Variants in GNAS observed in about 807,000 individuals in gnomAD.
GNAS encodes the protein GNAS complex locus, also known as protein ALEX.
A neutral mutation model predicts 54.5 loss-of-function variants in GNAS; 8 were observed. That is an observed-to-expected ratio of 0.15 (90% confidence interval 0.09 to 0.26). The LOEUF is 0.26. Ranked by LOEUF, GNAS falls within the 10% of genes least tolerant of loss-of-function variation. The pLI, the probability that GNAS is intolerant of heterozygous loss-of-function variation, is 1.00. For synonymous variants in GNAS, 204 were observed against 191.4 expected, an observed-to-expected ratio of 1.07 and a Z score of -0.54; for missense variants, 170 against 529.8, an observed-to-expected ratio of 0.32 and a Z score of 6.67.
At position 58,891,548 on chromosome 20, in the gene GNAS, C is replaced by T. The variant is rs1365219896; in HGVS notation, c.-179C>T. On this transcript the variant is annotated 5_prime_UTR_variant, in exon 1 of 13. Coordinates refer to ENST00000371085, the MANE Select transcript of GNAS (RefSeq NM_000516.7). ...TCCGACCGACACCCTCCCCTTCCCG[C>T]CCGTCCGCGCGCCCCGCGGCCCGCG... 4 of 972,530 alleles carry T rather than the reference C, an allele frequency of 4.1e-6. No homozygotes were observed. The highest frequency in any genetic ancestry group is 4.9e-6 in the Non-Finnish European group (4 of 821,976). The allele number at this position is 972,530 out of a possible 1,614,324, so 60.2% of individuals were successfully genotyped here.
chr20:58,903,009 T>G, intron 3 of GNAS: 1 of 234,098 alleles, frequency 4.3e-6, no homozygotes, highest in Non-Finnish European at 8.5e-6. Flanking sequence ...GTGCTGGGAT[T>G]ACAGGTGTGA....
intron 1 of GNAS, among the ~76,000 whole-genome samples, chr20:58,885,633 C>T (rs2088541239): frequency 6.6e-6 from 1 of 152,088 alleles, no homozygotes; most frequent in Non-Finnish European, 1.5e-5. Flanking sequence ...AAAAAAATGT[C>T]CTAGATAATC....
At chr20:58,871,615 A>G (rs1198688889) in intron 1 of GNAS, among the ~76,000 whole-genome samples, 2 of 142,340 alleles carry the variant, frequency 1.4e-5, no homozygotes, top group Admixed American at 7.5e-5. Context: ...ACTCCGTCGA[A>G]AAAAAAAAAA....
At chr20:58,887,826 AT>A (rs1312060874), upstream of GNAS, among the ~76,000 whole-genome samples, 1 of 152,212 alleles carries the variant, frequency 6.6e-6, no homozygotes, top group Non-Finnish European at 1.5e-5. Context: ...TTTCAGATTC[AT>A]AAAAAAGAGG....
chr20:58,869,590 A>G (rs2087299447), intron 1 of GNAS, among the ~76,000 whole-genome samples: 1 of 152,206 alleles, frequency 6.6e-6, no homozygotes, highest in Non-Finnish European at 1.5e-5. Context: ...CAATATGGAG[A>G]GATGAAGTAG....
chr20:58,877,886 T>C (rs1159874533), intron 1 of GNAS, among the ~76,000 whole-genome samples: 1 of 152,028 alleles, frequency 6.6e-6, no homozygotes, highest in Admixed American at 6.5e-5. Context: ...GAGATATAAG[T>C]GAACCCTAGA....
chr20:58,868,662 C>T (rs576375921), intron 1 of GNAS, among the ~76,000 whole-genome samples: 4 of 152,276 alleles, frequency 2.6e-5, no homozygotes, highest in East Asian at 1.9e-4. Context: ...AAGGGGAGAA[C>T]GGAAAGCAGC....
At chr20:58,906,124 G>C (rs2091025994) in intron 6 of GNAS, among the ~76,000 whole-genome samples, 1 of 152,202 alleles carries the variant, frequency 6.6e-6, no homozygotes, top group South Asian at 2.1e-4. Context: ...GTACACCTAA[G>C]CAGTACAATA....
intron 1 of GNAS, among the ~76,000 whole-genome samples, chr20:58,870,435 C>T (rs896664458): frequency 1.3e-5 from 2 of 152,208 alleles, no homozygotes; most frequent in Non-Finnish European, 2.9e-5. Flanking sequence ...TCCAACCTTT[C>T]CTGGGCCATG....
rs1301577924 is a variant in GNAS, at chr20:58,864,963, A to ACACG, written c.43+24085_43+24088dup. On this transcript the variant is annotated intron_variant, in intron 1 of 12. Coordinates refer to the GNAS transcript ENST00000306090. ...CACACACACACACACACACAAACAC[A>ACACG]CACGCACGCACACTCTCTCTCTCTC... Among the ~76,000 whole-genome samples the ACACG allele has an allele frequency of 3.3e-5, 5 of 151,718 alleles. No individual in the cohort carries two copies. The East Asian group carries it at 9.6e-4, about 29-fold the overall frequency.
rs1600969737 is a variant in GNAS at position 58,891,536 on chromosome 20, C to T, written c.-191C>T. On this transcript the variant is annotated 5_prime_UTR_variant, in exon 1 of 13. Transcript: ENST00000371085. ...CGCGCCCCTCGGTCCGACCGACACC[C>T]TCCCCTTCCCGCCCGTCCGCGCGCC... 9 of 976,060 alleles carry T rather than the reference C, an allele frequency of 9.2e-6. No individual in the cohort carries two copies. Among genetic ancestry groups the T allele is most frequent in the Non-Finnish European group, 9.7e-6 (8 of 824,684 alleles). 60.5% of individuals were successfully genotyped at this position (976,060 alleles called of 1,614,324 possible).
upstream of GNAS, among the ~76,000 whole-genome samples, chr20:58,887,590 C>A (rs1215949148): frequency 6.6e-6 from 1 of 152,154 alleles, no homozygotes; most frequent in Non-Finnish European, 1.5e-5. Flanking sequence ...TGAAAAGCAT[C>A]AACCTAGGAT....
upstream of GNAS, among the ~76,000 whole-genome samples, chr20:58,887,726 A>C (rs996189178): frequency 1.3e-5 from 2 of 152,226 alleles, no homozygotes; most frequent in Non-Finnish European, 2.9e-5. Context: ...AGGGGTCTGC[A>C]GCAGCCCAGG....
At chr20:58,879,506 A>G (rs968802765) in intron 1 of GNAS, among the ~76,000 whole-genome samples, 1 of 152,216 alleles carries the variant, frequency 6.6e-6, no homozygotes. Context: ...TTCAATCGTG[A>G]AAAAGCATCT....
chr20:58,905,490 C>T lies in GNAS; in HGVS notation c.530+10C>T, dbSNP rs199499878. 267 of 1,382,730 alleles carry T rather than the reference C, an allele frequency of 1.9e-4. No individual in the cohort carries two copies. The highest frequency in any genetic ancestry group is 1.9e-4 in the Non-Finnish European group (187 of 968,564). The allele number at this position is 1,382,730 out of a possible 1,614,324, so 85.7% of individuals were successfully genotyped here. A position where few individuals can be genotyped will look rare whatever the true frequency, so the allele number is the denominator to read the frequency against. On this transcript the variant is annotated intron_variant, in intron 6 of 12. Transcript: ENST00000371085. Reference sequence around the variant, plus strand: ...TTGACTGTGCCCAGTAGTAAGTAACCGCCACCCAACCCATCAGCACATAAA... The same window carrying T: ...TTGACTGTGCCCAGTAGTAAGTAACTGCCACCCAACCCATCAGCACATAAA...
intron 1 of GNAS, chr20:58,852,992 AG>A (rs1030427249): frequency 8.0e-6 from 10 of 1,254,596 alleles, no homozygotes; most frequent in Non-Finnish European, 1.0e-5. Context: ...GGATAGACCA[AG>A]GAAGAGGGGC....
intron 1 of GNAS, among the ~76,000 whole-genome samples, chr20:58,861,282 T>C (rs1289697588): frequency 6.6e-6 from 1 of 152,198 alleles, no homozygotes; most frequent in Admixed American, 6.5e-5. Context: ...AGTAGCAATT[T>C]TCAAGAGAGA....
intron 1 of GNAS, among the ~76,000 whole-genome samples, chr20:58,847,493 A>G (rs1457464496): frequency 6.6e-6 from 1 of 152,252 alleles, no homozygotes; most frequent in Non-Finnish European, 1.5e-5. Flanking sequence ...CTACTCACTC[A>G]GCACTCAGAA....
At chr20:58,854,600 G>GGCCCCTGAC in intron 1 of GNAS, 1 of 1,538,934 alleles carries the variant, frequency 6.5e-7, no homozygotes, top group South Asian at 1.2e-5. Context: ...ACTCCGGGGC[G>GGCCCCTGAC]GCCCCTGACG....
Sources: gnomAD v4.1 joint callset for allele counts (sites outside exome capture counted in the v4.1 genomes callset) on GRCh38, gnomAD v4.1.1 for gene constraint, MANE v1.5 for transcripts, NCBI Gene and HGNC (gene_info 2026-07-23, HGNC 2026-07-21) for gene names.